SMCHD1: variants seen among roughly 807,000 people sequenced by gnomAD.
SMCHD1 encodes structural maintenance of chromosomes flexible hinge domain-containing protein 1.
SMCHD1 carries 78 observed loss-of-function variants against 254.7 expected under a neutral mutation model. That is an observed-to-expected ratio of 0.31 (90% confidence interval 0.26 to 0.37). The LOEUF is 0.37. Ranked by LOEUF, SMCHD1 falls within the 10% of genes least tolerant of loss-of-function variation. The probability of loss-of-function intolerance (pLI) is 1.00; values close to 1 mark genes in which losing one functional copy is unlikely to be tolerated. For synonymous variants in SMCHD1, 766 were observed against 794.9 expected (o/e 0.96, Z 0.61); for missense variants, 1,840 against 2,408.1 (o/e 0.76, Z 4.94).
chr18:2,766,382 A>G (rs1263868469), intron 37 of SMCHD1, among the ~76,000 whole-genome samples: 9 of 152,240 alleles, frequency 5.9e-5, no homozygotes, highest in Admixed American at 2.0e-4. Flanking sequence ...AGATTTAGCT[A>G]TTCCCCAGCA....
At chr18:2,743,720 G>A (rs1024832596) in intron 28 of SMCHD1, 41 bp from the exon 29 acceptor site, 2 of 1,483,146 alleles carry the variant, frequency 1.3e-6, no homozygotes, top group South Asian at 2.6e-5. Context: ...TGAACACTAA[G>A]TGATACCCCC....
At chr18:2,687,524 C>T (rs980057537) in intron 5 of SMCHD1, among the ~76,000 whole-genome samples, 1 of 151,984 alleles carries the variant, frequency 6.6e-6, no homozygotes, top group African/African-American at 2.4e-5. Context: ...TTGGTGTTTA[C>T]AGTGATGTTG....
At chr18:2,711,209 G>A (rs73365825) in intron 17 of SMCHD1, among the ~76,000 whole-genome samples, 30,647 of 151,234 alleles carry the variant, frequency 0.2, 3,337 homozygotes, top group South Asian at 0.33. Flanking sequence ...GGCCTCGAAC[G>A]CGTAGCCTCA....
chr18:2,687,336 G>C (rs1410173620), intron 5 of SMCHD1, among the ~76,000 whole-genome samples: 4 of 151,962 alleles, frequency 2.6e-5, no homozygotes, highest in Admixed American at 6.6e-5. Context: ...AAATTACTTT[G>C]GTTTTTATCT....
rs899506778 is a variant in SMCHD1 at position 2,728,516 on chromosome 18, A to G, written c.2833A>G (p.Thr945Ala). Residue 945 changes from threonine to alanine, a missense_variant, in exon 23 of 48, where the codon ACA becomes GCA. Physicochemically the swap from Thr to Ala is moderately conservative, Grantham distance 58. Transcript: ENST00000320876. Reference protein sequence around the residue: ...DSEILVIENGTAFPFQVEVLD... With the variant: ...DSEILVIENGAAFPFQVEVLD... ...TGAAATTTTAGTTATAGAAAATGGA[A>G]CAGCTTTCCCATTTCAGGTGGAAGT... The G allele has an allele frequency of 1.9e-6, 3 of 1,613,212 alleles. No individual in the cohort carries two copies. Among genetic ancestry groups the G allele is most frequent in the Non-Finnish European group, 2.5e-6 (3 of 1,179,548 alleles).
At chr18:2,757,666 A>G (rs2075706781) in intron 34 of SMCHD1, among the ~76,000 whole-genome samples, 2 of 151,880 alleles carry the variant, frequency 1.3e-5, no homozygotes, top group South Asian at 4.1e-4. Context: ...AATATAGTCA[A>G]TTTTTGTATA....
At chr18:2,717,841 C>A (rs911495126) in intron 17 of SMCHD1, among the ~76,000 whole-genome samples, 1 of 151,686 alleles carries the variant, frequency 6.6e-6, no homozygotes, top group African/African-American at 2.4e-5. Flanking sequence ...TTATATAATT[C>A]TAGAGTGGGC....
chr18:2,673,260 T>C, intron 3 of SMCHD1, 21 bp from the exon 4 acceptor site: 1 of 1,571,192 alleles, frequency 6.4e-7, no homozygotes, highest in Non-Finnish European at 8.7e-7. Context: ...AGTTAAGCAA[T>C]GTTTTCTTGA....
intron 25 of SMCHD1, among the ~76,000 whole-genome samples, chr18:2,736,586 G>T (rs1334059835): frequency 6.8e-6 from 1 of 146,850 alleles, no homozygotes; most frequent in South Asian, 2.2e-4. Context: ...ATGGGCAAAG[G>T]ATATGAATAG....
chr18:2,765,696 C>G (rs764414181), intron 37 of SMCHD1, among the ~76,000 whole-genome samples: 2 of 152,318 alleles, frequency 1.3e-5, no homozygotes, highest in Non-Finnish European at 2.9e-5. Flanking sequence ...GTCAGTGTGT[C>G]TGGTTTCCAG....
intron 3 of SMCHD1, among the ~76,000 whole-genome samples, chr18:2,671,595 C>CTTTTTTTTTTT (rs760647745): frequency 5.9e-5 from 7 of 119,604 alleles, no homozygotes; most frequent in East Asian, 2.4e-4. Context: ...CTTTTCTTTT[C>CTTTTTTTTTTT]TTTTTTTTTT....
chr18:2,704,759 TTC>T (rs1244779495), intron 13 of SMCHD1, among the ~76,000 whole-genome samples: 1 of 152,126 alleles, frequency 6.6e-6, no homozygotes, highest in Non-Finnish European at 1.5e-5. Flanking sequence ...AGGCTCTCTG[TTC>T]TCTCCATAAA....
chr18:2,707,429 C>T (rs1414479864), intron 15 of SMCHD1, 134 bp from the exon 16 acceptor site: 12 of 466,946 alleles, frequency 2.6e-5, no homozygotes, highest in Non-Finnish European at 4.0e-5. Context: ...GATGATTAAT[C>T]GTAAAGAATT....
chr18:2,700,407 C>G, intron 10 of SMCHD1, 132 bp from the exon 11 acceptor site: 1 of 974,720 alleles, frequency 1.0e-6, no homozygotes. Flanking sequence ...GTAAACCTAC[C>G]TTTTTGTGGG....
intron 25 of SMCHD1, among the ~76,000 whole-genome samples, chr18:2,736,484 A>G (rs889585475): frequency 6.6e-6 from 1 of 152,184 alleles, no homozygotes; most frequent in African/African-American, 2.4e-5. Context: ...ACAGAATGGT[A>G]AAAAATATTA....
chr18:2,724,871 G>T (rs1209426814), intron 20 of SMCHD1, 28 bp from the exon 21 acceptor site: 16 of 1,384,022 alleles, frequency 1.2e-5, no homozygotes, highest in Non-Finnish European at 1.6e-5. Flanking sequence ...CAATTGAGGG[G>T]AGTTAAAAAA....
intron 47 of SMCHD1, among the ~76,000 whole-genome samples, chr18:2,801,642 A>T (rs2076364260): frequency 6.6e-6 from 1 of 152,100 alleles, no homozygotes; most frequent in Non-Finnish European, 1.5e-5. Context: ...TAGGTACATT[A>T]TATGTGTTTC....
chr18:2,762,492 C>CTTTTTT (rs10708453), intron 36 of SMCHD1, among the ~76,000 whole-genome samples: 1 of 126,820 alleles, frequency 7.9e-6, no homozygotes, highest in South Asian at 2.6e-4. Context: ...ATCTGCCTAC[C>CTTTTTT]TTTTTTTTTT....
At chr18:2,796,725 C>A (rs919570289) in intron 47 of SMCHD1, 31 of 508,338 alleles carry the variant, frequency 6.1e-5, no homozygotes, top group South Asian at 5.2e-5. Context: ...GCATTACAGG[C>A]ATGCACCACC....
Sources: gnomAD v4.1 joint callset for allele counts (sites outside exome capture counted in the v4.1 genomes callset) on GRCh38, gnomAD v4.1.1 for gene constraint, MANE v1.5 for transcripts, NCBI Gene and HGNC (gene_info 2026-07-23, HGNC 2026-07-21) for gene names.